CHAMP1: variants seen among roughly 807,000 people sequenced by gnomAD.
The protein encoded by CHAMP1 is chromosome alignment-maintaining phosphoprotein 1.
A neutral mutation model predicts 54.5 loss-of-function variants in CHAMP1; 4 were observed. That is an observed-to-expected ratio of 0.07 (90% confidence interval 0.04 to 0.17). The LOEUF (loss-of-function observed/expected upper bound fraction) is 0.17, where lower values mean the gene tolerates loss of function less well. CHAMP1 is among the 10% of genes least tolerant of loss of function. The probability of loss-of-function intolerance (pLI) is 1.00; values close to 1 mark genes in which losing one functional copy is unlikely to be tolerated. For synonymous variants in CHAMP1, 368 were observed against 342.2 expected, an observed-to-expected ratio of 1.08 and a Z score of -0.83; for missense variants, 994 against 968.6, an observed-to-expected ratio of 1.03 and a Z score of -0.35.
chr13:114,317,457 C>T (rs1032165299), intron 1 of CHAMP1, among the ~76,000 whole-genome samples: 4 of 151,970 alleles, frequency 2.6e-5, no homozygotes, highest in Admixed American at 6.6e-5. Context: ...GAGACCTCAT[C>T]GCTACAGAAA....
chr13:114,322,087 C>A (rs1185827613), intron 2 of CHAMP1: 4 of 137,050 alleles, frequency 2.9e-5, no homozygotes, highest in African/African-American at 1.1e-4. Context: ...TGTCACCAGG[C>A]TGGAATGCAG....
In CHAMP1 at chr13:114,324,794, G is replaced by C; in HGVS notation, c.952G>C (p.Gly318Arg). The C allele has an allele frequency of 6.2e-7, 1 of 1,613,958 alleles. No individual in the cohort carries two copies. The highest frequency in any genetic ancestry group is 8.5e-7 in the Non-Finnish European group (1 of 1,179,910). ...AGGCTCTTGGAAACCAGGGCCACCTGGGTCCCCTAGGCCTTGGAAATCCAA... is the reference window on the plus strand; with the variant it reads ...AGGCTCTTGGAAACCAGGGCCACCTCGGTCCCCTAGGCCTTGGAAATCCAA... ...SPGSWKPGPP[G>R]SPRPWKSNPS... Residue 318 changes from glycine to arginine, a missense_variant, in exon 3 of 3, where the codon GGG (glycine) becomes CGG (arginine). By Grantham distance (125) the Gly-to-Arg change is moderately radical. Transcript: ENST00000361283.
rs2087070982 is a variant in CHAMP1 at position 114,314,573 on chromosome 13, G to C, written c.-249G>C. On this transcript the variant is annotated 5_prime_UTR_variant, in exon 1 of 3. Coordinates refer to ENST00000361283, the MANE Select transcript of CHAMP1 (RefSeq NM_032436.4). ...CCGCTGCGCTGCAGGGCCTCGCGGAGCCGCCCGCGACCGCGAGCCGGGCCC... is the reference window on the plus strand; with the variant it reads ...CCGCTGCGCTGCAGGGCCTCGCGGACCCGCCCGCGACCGCGAGCCGGGCCC... 6.6e-6 allele frequency: 1 copy of C among 151,802 alleles called. No homozygotes were observed. Among genetic ancestry groups the C allele is most frequent in the Non-Finnish European group, 1.5e-5 (1 of 67,892 alleles). 9.4% of individuals were successfully genotyped at this position (151,802 alleles called of 1,614,324 possible). A position where few individuals can be genotyped will look rare whatever the true frequency, so the allele number is the denominator to read the frequency against.
chr13:114,325,366 C>A lies in CHAMP1; in HGVS notation c.1524C>A (p.Pro508=). 1 of 1,614,128 alleles carries A rather than the reference C, an allele frequency of 6.2e-7. No individual in the cohort carries two copies. Among genetic ancestry groups the A allele is most frequent in the Non-Finnish European group, 8.5e-7 (1 of 1,180,022 alleles). Residue 508 remains proline (P), a synonymous_variant, in exon 3 of 3, where the codon CCC becomes CCA. Coordinates refer to ENST00000361283, the MANE Select transcript of CHAMP1 (RefSeq NM_032436.4). The stretch of plus-strand genomic sequence containing the variant: ...GTCCTTCTGGGCCATCTGAGTCCCC[C>A]AAAGCAGCCTCAGATATCTGGAAGC... ...KPGPSGPSES[P]KAASDIWKPV...
At position 114,324,819 on chromosome 13, in the gene CHAMP1, A is replaced by G. The variant is rs1037079109; in HGVS notation, c.977A>G (p.Asn326Ser). ...PPGSPRPWKS[N>S]PSASSGPWKP... The stretch of plus-strand genomic sequence containing the variant: ...GGGTCCCCTAGGCCTTGGAAATCCA[A>G]TCCTTCAGCATCATCAGGACCTTGG... Residue 326 changes from asparagine (N) to serine (S), a missense_variant, in exon 3 of 3, where the codon AAT (asparagine) becomes AGT (serine). This residue lies in a region of CHAMP1 where 851 missense variants were observed against 701.3 expected (regional missense o/e 1.21). Coordinates refer to ENST00000361283, the MANE Select transcript of CHAMP1 (RefSeq NM_032436.4). The G allele has an allele frequency of 1.5e-5, 24 of 1,613,858 alleles. No individual in the cohort carries two copies. In the Middle Eastern group the frequency reaches 4.9e-4, roughly 33 times the overall value.
intron 1 of CHAMP1, among the ~76,000 whole-genome samples, chr13:114,317,406 T>C (rs2087113195): frequency 6.6e-6 from 1 of 151,820 alleles, no homozygotes; most frequent in Non-Finnish European, 1.5e-5. Flanking sequence ...CAACAAGATC[T>C]CTGGAGGCCA....
rs186679023 is a variant in CHAMP1, at chr13:114,325,867, T to C, written c.2025T>C (p.Ser675=). Residue 675 remains serine (S), a synonymous_variant, in exon 3 of 3, where the codon AGT becomes AGC. Transcript: ENST00000361283. ...FSKENKMDMT[S]PEQSRNVLQF... Reference sequence around the variant, plus strand: ...AAGAGAACAAAATGGACATGACTAGTCCAGAGCAGTCTAGAAATGTGCTAC... The same window carrying C: ...AAGAGAACAAAATGGACATGACTAGCCCAGAGCAGTCTAGAAATGTGCTAC... The C allele has an allele frequency of 1.6e-3, 2,535 of 1,614,080 alleles. 33 individuals are homozygous for C. Among genetic ancestry groups the C allele is most frequent in the Non-Finnish European group, 4.8e-4 (568 of 1,180,006 alleles).
At chr13:114,320,165 A>G (rs2087149903) in intron 1 of CHAMP1, among the ~76,000 whole-genome samples, 1 of 152,186 alleles carries the variant, frequency 6.6e-6, no homozygotes, top group African/African-American at 2.4e-5. Flanking sequence ...TGCTGGAGCT[A>G]ATCAGAAGCA....
At chr13:114,317,775 C>A (rs1263422342) in intron 1 of CHAMP1, among the ~76,000 whole-genome samples, 1 of 152,084 alleles carries the variant, frequency 6.6e-6, no homozygotes, top group African/African-American at 2.4e-5. Context: ...CAGTGGTGTT[C>A]GACTTCAAAG....
rs781891712 is a variant in CHAMP1 at position 114,325,698 on chromosome 13, T to G, written c.1856T>G (p.Leu619Arg). The change falls in exon 3 of 3, where the codon CTC becomes CGC. Residue 619 changes from leucine (L) to arginine (R), a missense_variant. Leu to Arg is a moderately radical substitution (Grantham distance 102). Transcript: ENST00000361283. ...EDTLFPSSKK[L>R]KKDNQESSDA... is the part of the protein sequence containing the mutation. ...ACTTTATTTCCTTCCTCAAAGAAGC[T>G]CAAGAAAGACAACCAAGAGAGCTCA... 5.6e-6 allele frequency: 9 copies of G among 1,613,548 alleles called. No individual in the cohort carries two copies. The highest frequency in any genetic ancestry group is 1.3e-5 in the African/African-American group (1 of 74,790).
At chr13:114,314,842 G>A (rs914400319) in intron 1 of CHAMP1, among the ~76,000 whole-genome samples, 199 bp downstream of exon 1, 1 of 152,196 alleles carries the variant, frequency 6.6e-6, no homozygotes, top group African/African-American at 2.4e-5. Flanking sequence ...CTTTGTGCAG[G>A]GAGCGGGGAG....
chr13:114,315,007 C>T (rs1003516267), intron 1 of CHAMP1, among the ~76,000 whole-genome samples: 1 of 152,144 alleles, frequency 6.6e-6, no homozygotes, highest in Non-Finnish European at 1.5e-5. Flanking sequence ...TATACAGCCT[C>T]CAAAGTGGGA....
intron 1 of CHAMP1, among the ~76,000 whole-genome samples, chr13:114,316,055 C>T (rs1159664680): frequency 6.6e-6 from 1 of 150,658 alleles, no homozygotes; most frequent in Non-Finnish European, 1.5e-5. Context: ...AGGCTGGTTT[C>T]GAACTCCTGA....
intron 1 of CHAMP1, among the ~76,000 whole-genome samples, chr13:114,317,364 A>G (rs1256454809): frequency 6.6e-6 from 1 of 150,606 alleles, no homozygotes; most frequent in Non-Finnish European, 1.5e-5. Flanking sequence ...GGTAGCTCAC[A>G]CCTGTAATCC....
In CHAMP1 at chr13:114,324,906, C is replaced by A; in HGVS notation, c.1064C>A (p.Ser355Tyr). Residue 355 changes from serine (S) to tyrosine (Y), a missense_variant, in exon 3 of 3, where the codon TCT (serine) becomes TAT (tyrosine). Physicochemically the swap from Ser to Tyr is moderately radical, Grantham distance 144 (BLOSUM62 -2). Around this residue, in one of 3 missense-constraint regions of CHAMP1, gnomAD observed 851 missense variants for 701.3 expected, o/e 1.21. Transcript: ENST00000361283. ...CCTTGGAAACCAATTCCTTCTGTAT[C>A]TCCTGGACCTTGGAAACCAACTCCA... is the stretch of plus-strand genomic sequence containing the variant. ...PGPWKPIPSV[S>Y]PGPWKPTPSV... The A allele has an allele frequency of 6.2e-7, 1 of 1,614,198 alleles. No homozygotes were observed. Among genetic ancestry groups the A allele is most frequent in the Non-Finnish European group, 8.5e-7 (1 of 1,180,026 alleles).
chr13:114,315,937 A>C (rs1382122253), intron 1 of CHAMP1, among the ~76,000 whole-genome samples: 9 of 151,444 alleles, frequency 5.9e-5, no homozygotes, highest in Non-Finnish European at 1.5e-5. Flanking sequence ...CCTGGGTTCA[A>C]GGGATTCTTT....
Position 114,325,026 on chromosome 13 carries a change from C to A in CHAMP1, c.1184C>A (p.Pro395Gln), listed in dbSNP as rs529321452. The change falls in exon 3 of 3, where the codon CCA becomes CAA. Residue 395 changes from proline (P) to glutamine (Q), a missense_variant. Coordinates refer to ENST00000361283, the MANE Select transcript of CHAMP1 (RefSeq NM_032436.4). ...CCTGAGTCATGGAAGTCTGGCCCAC[C>A]AGAACTCCGAAAGACAGCTCCCACG... Reference protein sequence around the residue: ...ASPESWKSGPPELRKTAPTLS... With the variant: ...ASPESWKSGPQELRKTAPTLS... 1.2e-4 allele frequency: 189 copies of A among 1,614,128 alleles called. 1 individual carries two copies. The South Asian group carries it at 2.0e-3, about 17-fold the overall frequency.
intron 1 of CHAMP1, among the ~76,000 whole-genome samples, chr13:114,314,848 G>T (rs985206830): frequency 6.6e-6 from 1 of 152,214 alleles, no homozygotes; most frequent in African/African-American, 2.4e-5. Flanking sequence ...GCAGGGAGCG[G>T]GGAGGCCCGG....
Position 114,326,289 on chromosome 13 carries a change from G to A in CHAMP1, c.*8G>A. The A allele has an allele frequency of 6.4e-7, 1 of 1,554,244 alleles. No individual in the cohort carries two copies. Among genetic ancestry groups the A allele is most frequent in the Non-Finnish European group, 8.7e-7 (1 of 1,154,164 alleles). On this transcript the variant is annotated 3_prime_UTR_variant, in exon 3 of 3. Transcript: ENST00000361283. Reference sequence around the variant, plus strand: ...GAGGAGCAGCAAATTTGATAACACAGTGTGAATATTTGTTCTACAAAGGTG... The same window carrying A: ...GAGGAGCAGCAAATTTGATAACACAATGTGAATATTTGTTCTACAAAGGTG...
Sources: gnomAD v4.1 joint callset for allele counts (sites outside exome capture counted in the v4.1 genomes callset) on GRCh38, gnomAD v4.1.1 for gene constraint, gnomAD v4.1.1 regional missense constraint, MANE v1.5 for transcripts, NCBI Gene and HGNC (gene_info 2026-07-23, HGNC 2026-07-21) for gene names.